The following CACNB3 variants were observed in gnomAD, a reference collection of about 807,000 sequenced individuals.
The protein encoded by CACNB3 is calcium voltage-gated channel auxiliary subunit beta 3, also known as voltage-dependent L-type calcium channel subunit beta-3.
In CACNB3, 36 loss-of-function variants were observed where a neutral mutation model predicts 63.7. That is an observed-to-expected ratio of 0.57 (90% CI 0.43 to 0.75). The LOEUF is 0.75. Ranked by LOEUF, CACNB3 falls within the 30% of genes least tolerant of loss-of-function variation. The pLI, the probability that CACNB3 is intolerant of heterozygous loss-of-function variation, is 0.00. For synonymous variants in CACNB3, 241 were observed against 250.6 expected (o/e 0.96, Z 0.36); for missense variants, 493 against 648.6 (o/e 0.76, Z 2.61).
chr12:48,825,422 G>A lies in CACNB3; in HGVS notation c.574-12G>A. 6.2e-7 allele frequency: 1 copy of A among 1,614,146 alleles called. No homozygotes were observed. Among genetic ancestry groups the A allele is most frequent in the Non-Finnish European group, 8.5e-7 (1 of 1,180,002 alleles). On this transcript the variant is annotated splice_polypyrimidine_tract_variant and intron_variant, in intron 7 of 12. Coordinates refer to ENST00000301050, the MANE Select transcript of CACNB3 (RefSeq NM_000725.4). The surrounding 1 kb of genome is among the most constrained non-coding windows in gnomAD (Gnocchi z 4.5). ...CAAAGGGGCCCTTCATCAGTGCCAT[G>A]CCTTCCCCCAGGTCACAGACATGAT...
In CACNB3 at chr12:48,826,355, C is replaced by T. The variant is rs377762667; in HGVS notation, c.743-12C>T. The T allele has an allele frequency of 6.2e-7, 1 of 1,613,914 alleles. No individual in the cohort carries two copies. Among genetic ancestry groups the T allele is most frequent in the African/African-American group, 1.3e-5 (1 of 75,050 alleles). ...AGCTCCTGGTGAGCACTGCTGCTGC[C>T]TCCCTCCATAGCGGAAGTGCAGAGT... On this transcript the variant is annotated splice_polypyrimidine_tract_variant and intron_variant, in intron 9 of 12. Coordinates refer to ENST00000301050, the MANE Select transcript of CACNB3 (RefSeq NM_000725.4). The surrounding 1 kb of genome is among the most constrained non-coding windows in gnomAD (Gnocchi z 4.8).
intron 3 of CACNB3, 191 bp from the exon 4 acceptor site, chr12:48,824,067 A>G (rs1290721611): frequency 1.5e-6 from 1 of 664,406 alleles, no homozygotes; most frequent in Non-Finnish European, 2.6e-6. Context: ...GACAGCTGCA[A>G]TGCCTCACTC....
rs1246835859 is a variant in CACNB3 at position 48,823,534 on chromosome 12, T to G, written c.168+68T>G. On this transcript the variant is annotated intron_variant, in intron 2 of 12. Coordinates refer to ENST00000301050, the MANE Select transcript of CACNB3 (RefSeq NM_000725.4). This position sits in a 1 kb window ranked among gnomAD's most constrained non-coding sequence, Gnocchi z 4.2. ...GTGGAAACCTGCACTCGGTCCTAAG[T>G]CCCAAGGGGTCCTTGGGCAGGATGT... The G allele has an allele frequency of 1.3e-5, 21 of 1,597,392 alleles. No homozygotes were observed. The highest frequency in any genetic ancestry group is 1.6e-5 in the Non-Finnish European group (19 of 1,170,954).
intron 1 of CACNB3, chr12:48,819,639 C>T (rs577677884): frequency 2.2e-6 from 1 of 454,960 alleles, no homozygotes; most frequent in African/African-American, 2.0e-5. Context: ...TCCACAGCCC[C>T]CTGCTGAGGC....
chr12:48,823,279 G>T lies in CACNB3; in HGVS notation c.46-65G>T. 1 of 1,586,100 alleles carries T rather than the reference G, an allele frequency of 6.3e-7. No individual in the cohort carries two copies. The highest frequency in any genetic ancestry group is 8.6e-7 in the Non-Finnish European group (1 of 1,165,290). ...CAATAGAGGCAACACTGTAAGGTGA[G>T]GAGGGTGCCTCCATGGCATCCTTCA... On this transcript the variant is annotated intron_variant, in intron 1 of 12. Transcript: ENST00000301050. This position sits in a 1 kb window ranked among gnomAD's most constrained non-coding sequence, Gnocchi z 4.2.
Position 48,825,367 on chromosome 12 carries a change from G to A in CACNB3, c.574-67G>A. On this transcript the variant is annotated intron_variant, in intron 7 of 12. Coordinates refer to ENST00000301050, the MANE Select transcript of CACNB3 (RefSeq NM_000725.4). This position sits in a 1 kb window ranked among gnomAD's most constrained non-coding sequence, Gnocchi z 4.5. ...TGTGTATGTGGAGCGCATTGACTCT[G>A]GGGCCATGCATGGGGAGGCTGCTTC... 1 of 1,590,260 alleles carries A rather than the reference G, an allele frequency of 6.3e-7. No homozygotes were observed. Among genetic ancestry groups the A allele is most frequent in the Non-Finnish European group, 8.6e-7 (1 of 1,158,426 alleles).
upstream of CACNB3, chr12:48,815,714 T>C (rs1218566724): frequency 1.4e-6 from 2 of 1,457,376 alleles, no homozygotes; most frequent in East Asian, 5.5e-5. Context: ...CAGTGCAACC[T>C]TCCTGCTGAA....
In CACNB3 at chr12:48,826,719, C is replaced by A; in HGVS notation, c.895-40C>A. 6.4e-7 allele frequency: 1 copy of A among 1,554,570 alleles called. No homozygotes were observed. The highest frequency in any genetic ancestry group is 1.1e-5 in the South Asian group (1 of 89,798). On this transcript the variant is annotated intron_variant, in intron 10 of 12. Transcript: ENST00000301050. The surrounding 1 kb of genome is among the most constrained non-coding windows in gnomAD (Gnocchi z 4.8). ...GCCCGGGCTCAGCTCTGCCCAGAGTCCTGAGAGACTCCAGGCCTAGCTCTG... is the reference window on the plus strand; with the variant it reads ...GCCCGGGCTCAGCTCTGCCCAGAGTACTGAGAGACTCCAGGCCTAGCTCTG...
In CACNB3 at chr12:48,828,556, T is replaced by C. The variant is rs1442783157; in HGVS notation, c.*657T>C. On this transcript the variant is annotated 3_prime_UTR_variant, in exon 13 of 13. Transcript: ENST00000301050. Reference sequence around the variant, plus strand: ...GGCTCTCCTCACCCTGCCAGGAAGCTTCTTAACATGTGACAGGACCAGGGA... The same window carrying C: ...GGCTCTCCTCACCCTGCCAGGAAGCCTCTTAACATGTGACAGGACCAGGGA... 9.8e-6 allele frequency: 4 copies of C among 407,488 alleles called. No individual in the cohort carries two copies. The highest frequency in any genetic ancestry group is 8.2e-5 in the African/African-American group (4 of 48,678). 25.2% of individuals were successfully genotyped at this position (407,488 alleles called of 1,614,324 possible).
rs79551736 is a variant in CACNB3, at chr12:48,818,776, C to A, written c.-154C>A. ...AGCTCCGAGCAGCTGGTCTTCGCGG[C>A]TCGCTCCCTCCTTCGCGCTCTCTCG... On this transcript the variant is annotated 5_prime_UTR_variant, in exon 1 of 13. Coordinates refer to ENST00000301050, the MANE Select transcript of CACNB3 (RefSeq NM_000725.4). This position sits in a 1 kb window ranked among gnomAD's most constrained non-coding sequence, Gnocchi z 4.3. The A allele has an allele frequency of 1.8e-5, 24 of 1,348,278 alleles. No individual in the cohort carries two copies. The East Asian group carries it at 7.0e-4, about 39-fold the overall frequency. The allele number at this position is 1,348,278 out of a possible 1,614,324, so 83.5% of individuals were successfully genotyped here.
At position 48,828,404 on chromosome 12, in the gene CACNB3, T is replaced by C. The variant is rs1938263562; in HGVS notation, c.*505T>C. On this transcript the variant is annotated 3_prime_UTR_variant, in exon 13 of 13. Transcript: ENST00000301050. The stretch of plus-strand genomic sequence containing the variant: ...CTGCCATACATTAGAAATGAGACAA[T>C]CAAAGCCCCCCCAGGGTGGCACACC... 2 of 328,426 alleles carry C rather than the reference T, an allele frequency of 6.1e-6. No homozygotes were observed. Among genetic ancestry groups the C allele is most frequent in the Admixed American group, 7.8e-5 (2 of 25,554 alleles). 20.3% of individuals were successfully genotyped at this position (328,426 alleles called of 1,614,324 possible).
At chr12:48,816,603 C>G (rs1441491259), upstream of CACNB3, among the ~76,000 whole-genome samples, 5 of 152,220 alleles carry the variant, frequency 3.3e-5, no homozygotes, top group African/African-American at 1.2e-4. Flanking sequence ...TACTGCAGGA[C>G]CCAGGGGATG....
Position 48,826,614 on chromosome 12 carries a change from C to G in CACNB3, c.894+96C>G. On this transcript the variant is annotated intron_variant, in intron 10 of 12. Transcript: ENST00000301050. The surrounding 1 kb of genome is among the most constrained non-coding windows in gnomAD (Gnocchi z 4.8). ...TCCCTGCCTGGGGCACCTGAGTTCC[C>G]TTTTCCTGCTGCCCTTAACACAACT... The G allele has an allele frequency of 6.6e-7, 1 of 1,511,212 alleles. No homozygotes were observed. 93.6% of individuals were successfully genotyped at this position (1,511,212 alleles called of 1,614,324 possible).
At chr12:48,814,661 G>T (rs896434783), upstream of CACNB3, 2 of 1,163,234 alleles carry the variant, frequency 1.7e-6, no homozygotes. The surrounding 1 kb of genome is among the most constrained non-coding windows in gnomAD (Gnocchi z 6.9). Flanking sequence ...GTCTCGAGCT[G>T]GGACTGCAGT....
At chr12:48,827,490 G>C in intron 12 of CACNB3, 95 bp from the exon 13 acceptor site, 1 of 1,158,710 alleles carries the variant, frequency 8.6e-7, no homozygotes, top group East Asian at 2.4e-5. Context: ...CCTTTACCGG[G>C]GAATTGAGAG....
chr12:48,823,958 T>A lies in CACNB3; in HGVS notation c.291+155T>A, dbSNP rs1367493321. On this transcript the variant is annotated intron_variant, in intron 3 of 12. Transcript: ENST00000301050. The surrounding 1 kb of genome is among the most constrained non-coding windows in gnomAD (Gnocchi z 4.2). ...CTGTCCACCCCTCATATCTAAGATC[T>A]CATCCCCAGGGTCTCCATCCTTCTG... The A allele has an allele frequency of 8.3e-6, 8 of 968,876 alleles. No homozygotes were observed. In the Admixed American group the frequency reaches 1.3e-4, roughly 16 times the overall value. 60.0% of individuals were successfully genotyped at this position (968,876 alleles called of 1,614,324 possible).
chr12:48,815,662 G>C (rs538424884), upstream of CACNB3: 222 of 1,534,264 alleles, frequency 1.4e-4, no homozygotes, highest in African/African-American at 1.4e-3. Flanking sequence ...GCCCGGGGGA[G>C]GGGGAGAGGC....
rs1361143668 is a variant in CACNB3 at position 48,824,968 on chromosome 12, G to T, written c.492G>T (p.Gln164His). 3 of 1,613,516 alleles carry T rather than the reference G, an allele frequency of 1.9e-6. No individual in the cohort carries two copies. The highest frequency in any genetic ancestry group is 2.5e-6 in the Non-Finnish European group (3 of 1,179,922). ...PPSLAKQKQK[Q>H]AEHVPPYDVV... ...AAAAAGCCAAGCAGAAGCAAAAGCA[G>T]GTGAGTCAAGGAAGGGACCTGGGCT... Residue 164 changes from glutamine (Q) to histidine (H), a missense_variant and splice_region_variant, in exon 6 of 13, where the codon CAG (glutamine) becomes CAT (histidine). Coordinates refer to ENST00000301050, the MANE Select transcript of CACNB3 (RefSeq NM_000725.4).
At chr12:48,819,892 C>T (rs572294828) in intron 1 of CACNB3, 5 of 319,910 alleles carry the variant, frequency 1.6e-5, no homozygotes, top group South Asian at 7.1e-5. Flanking sequence ...GGCAAGAATG[C>T]GGAGCAGCTT....
Sources: allele counts gnomAD v4.1 joint callset (sites outside exome capture counted in the v4.1 genomes callset), GRCh38; gene constraint gnomAD v4.1.1; non-coding constraint Gnocchi (gnomAD v3.1); transcripts MANE v1.5; gene names NCBI Gene and HGNC (gene_info 2026-07-23, HGNC 2026-07-21).